The following ATF7IP2 variants were observed in gnomAD, a reference collection of about 807,000 sequenced individuals.
ATF7IP2 encodes the protein activating transcription factor 7 interacting protein 2, also known as activating transcription factor 7-interacting protein 2.
ATF7IP2 carries 42 observed loss-of-function variants against 64.2 expected under a neutral mutation model. The observed-to-expected ratio is 0.65, with a 90% confidence interval of 0.51 to 0.85. The LOEUF (loss-of-function observed/expected upper bound fraction) is 0.85. ATF7IP2 is among the 40% of genes least tolerant of loss of function. The pLI, the probability that ATF7IP2 is intolerant of heterozygous loss-of-function variation, is 0.00. For missense variants in ATF7IP2, 933 were observed against 784.2 expected, an observed-to-expected ratio of 1.19 and a Z score of -2.27; for synonymous variants, 308 against 272.8, an observed-to-expected ratio of 1.13 and a Z score of -1.27.
intron 8 of ATF7IP2, chr16:10,448,683 AT>A (rs2048889559): frequency 6.6e-6 from 1 of 152,214 alleles, no homozygotes; most frequent in Non-Finnish European, 1.5e-5. Flanking sequence ...TTTTCTAAAT[AT>A]TATTTAGAAA....
Position 10,483,249 on chromosome 16 carries a change from G to C in ATF7IP2, c.*1000G>C, listed in dbSNP as rs2050302853. On this transcript the variant is annotated 3_prime_UTR_variant, in exon 14 of 14. Transcript: ENST00000562102. The stretch of plus-strand genomic sequence containing the variant: ...AAGCATTACCCAACCTGTTTGAGTT[G>C]AGAATGCATTTGTCCACCTTTGATT... The C allele has an allele frequency of 6.6e-6, 1 of 152,218 alleles. No individual in the cohort carries two copies. The highest frequency in any genetic ancestry group is 6.5e-5 in the Admixed American group (1 of 15,276). 9.4% of individuals were successfully genotyped at this position (152,218 alleles called of 1,614,324 possible).
At chr16:10,396,433 C>T (rs990144534) in intron 1 of ATF7IP2, among the ~76,000 whole-genome samples, 8 of 152,106 alleles carry the variant, frequency 5.3e-5, no homozygotes, top group Non-Finnish European at 7.3e-5. Flanking sequence ...CTGTCGGGGT[C>T]ATATCTAAAA....
chr16:10,438,986 G>C (rs149934351), intron 7 of ATF7IP2, among the ~76,000 whole-genome samples: 1 of 137,086 alleles, frequency 7.3e-6, no homozygotes, highest in East Asian at 2.3e-4. Context: ...CAAGGAGGCA[G>C]ATATTGCAGT....
intron 9 of ATF7IP2, among the ~76,000 whole-genome samples, chr16:10,464,788 T>C (rs2049498683): frequency 6.6e-6 from 1 of 152,238 alleles, no homozygotes; most frequent in Admixed American, 6.5e-5. Context: ...ACTACTATTT[T>C]GCATGTGTTG....
At chr16:10,474,884 G>A (rs751401792) in intron 12 of ATF7IP2, among the ~76,000 whole-genome samples, 7 of 152,162 alleles carry the variant, frequency 4.6e-5, no homozygotes, top group Non-Finnish European at 7.4e-5. Context: ...GAAAATAACT[G>A]TCAACCTGTA....
At chr16:10,414,241 A>G (rs548685117) in intron 1 of ATF7IP2, among the ~76,000 whole-genome samples, 1 of 152,226 alleles carries the variant, frequency 6.6e-6, no homozygotes, top group East Asian at 1.9e-4. Flanking sequence ...TGGTTGTTTA[A>G]CATAATCTCA....
chr16:10,476,444 AC>A (rs1208271576), intron 12 of ATF7IP2, among the ~76,000 whole-genome samples: 1 of 150,824 alleles, frequency 6.6e-6, no homozygotes, highest in Non-Finnish European at 1.5e-5. Context: ...TCCAATATAA[AC>A]CCCCTTTTCT....
intron 8 of ATF7IP2, among the ~76,000 whole-genome samples, chr16:10,453,681 A>C (rs1383322874): frequency 6.6e-6 from 1 of 152,150 alleles, no homozygotes; most frequent in Non-Finnish European, 1.5e-5. Flanking sequence ...GCAGTGGCAC[A>C]ATCTCAGCTC....
chr16:10,426,687 T>TG (rs1362288066), intron 3 of ATF7IP2, among the ~76,000 whole-genome samples: 1 of 151,960 alleles, frequency 6.6e-6, no homozygotes, highest in Non-Finnish European at 1.5e-5. Flanking sequence ...TCACACAACA[T>TG]GGAGTAGAGA....
intron 3 of ATF7IP2, among the ~76,000 whole-genome samples, chr16:10,427,418 T>A (rs2048106787): frequency 6.6e-6 from 1 of 152,218 alleles, no homozygotes; most frequent in Admixed American, 6.5e-5. Context: ...ACGTATTGAC[T>A]GTATGGATGC....
chr16:10,449,076 T>C (rs936869144), intron 8 of ATF7IP2: 2 of 152,178 alleles, frequency 1.3e-5, no homozygotes, highest in African/African-American at 4.8e-5. Context: ...AATCATGTGG[T>C]TTTTCTCATT....
intron 1 of ATF7IP2, among the ~76,000 whole-genome samples, chr16:10,403,992 G>A (rs1441129858): frequency 6.6e-6 from 1 of 152,080 alleles, no homozygotes; most frequent in Non-Finnish European, 1.5e-5. Context: ...GAAAGAAAAA[G>A]CAAATATTTA....
intron 8 of ATF7IP2, chr16:10,445,672 T>A (rs2048777309): frequency 1.3e-5 from 2 of 152,170 alleles, no homozygotes; most frequent in South Asian, 4.1e-4. Flanking sequence ...GACTGTCTAA[T>A]TTTTTTGTAT....
In ATF7IP2 at chr16:10,457,471, GA is replaced by G; in HGVS notation, c.1299del (p.Gly434GlufsTer25). The G allele has an allele frequency of 6.3e-7, 1 of 1,593,768 alleles. No individual in the cohort carries two copies. Among genetic ancestry groups the G allele is most frequent in the Non-Finnish European group, 8.5e-7 (1 of 1,173,332 alleles). The part of the protein sequence containing the change: ...SVNYEPSNPS[E>X]KGSKKINLSS... ...GAATTATGAGCCTTCTAACCCTTCC[GA>G]AAAAGGAAGTAAAAAAATTAATTTG... On this transcript the variant is annotated frameshift_variant, in exon 9 of 14. Coordinates refer to ENST00000562102, the MANE Select transcript of ATF7IP2 (RefSeq NM_001393719.1). LOFTEE classifies it high-confidence loss of function.
At chr16:10,438,302 C>T in intron 7 of ATF7IP2, 67 bp downstream of exon 7, 2 of 1,489,770 alleles carry the variant, frequency 1.3e-6, no homozygotes, top group South Asian at 1.4e-5. Flanking sequence ...GTTGCTCAGG[C>T]TGCAGTACGG....
chr16:10,393,037 C>T (rs1424053371), intron 1 of ATF7IP2, among the ~76,000 whole-genome samples: 1 of 151,192 alleles, frequency 6.6e-6, no homozygotes, highest in South Asian at 2.1e-4. Flanking sequence ...AGGCCAGGTG[C>T]GATGGCTCAC....
chr16:10,394,596 C>G (rs1239177036), intron 1 of ATF7IP2, among the ~76,000 whole-genome samples: 1 of 152,104 alleles, frequency 6.6e-6, no homozygotes, highest in African/African-American at 2.4e-5. Flanking sequence ...TGTAGAACAT[C>G]CATCAATATA....
chr16:10,395,503 G>T (rs1489984888), intron 1 of ATF7IP2, among the ~76,000 whole-genome samples: 2 of 152,156 alleles, frequency 1.3e-5, no homozygotes, highest in Non-Finnish European at 2.9e-5. Flanking sequence ...GAAAACTGCA[G>T]AACGATGTTT....
At chr16:10,475,429 C>T (rs916556870) in intron 12 of ATF7IP2, among the ~76,000 whole-genome samples, 14 of 152,100 alleles carry the variant, frequency 9.2e-5, no homozygotes, top group African/African-American at 2.9e-4. Flanking sequence ...CGGTGGCTCA[C>T]GCCTGTAATC....
Sources: allele counts gnomAD v4.1 joint callset (sites outside exome capture counted in the v4.1 genomes callset), GRCh38; gene constraint gnomAD v4.1.1; transcripts MANE v1.5; gene names NCBI Gene and HGNC (gene_info 2026-07-23, HGNC 2026-07-21).